Variants in DTHD1 observed in about 807,000 individuals in gnomAD.
DTHD1 encodes death domain containing 1.
In DTHD1, 59 loss-of-function variants were observed where a neutral mutation model predicts 74.8. The observed-to-expected ratio is 0.79, with a 90% CI of 0.64 to 0.98. DTHD1 has a LOEUF of 0.98. Ranked by LOEUF, DTHD1 falls within the 50% of genes least tolerant of loss-of-function variation. The pLI is 0.00. For missense variants in DTHD1, 1,051 were observed against 1,065.4 expected (o/e 0.99, Z 0.19); for synonymous variants, 365 against 371.1 (o/e 0.98, Z 0.19).
intron 7 of DTHD1, among the ~76,000 whole-genome samples, chr4:36,308,868 C>CTATATT (rs893017062): frequency 2.6e-5 from 4 of 152,120 alleles, no homozygotes; most frequent in Non-Finnish European, 4.4e-5. Context: ...CATTTAAAAA[C>CTATATT]ATAAATCATA....
In DTHD1 at chr4:36,316,298, C is replaced by T; in HGVS notation, c.2152C>T (p.Pro718Ser). 2.6e-6 allele frequency: 4 copies of T among 1,551,776 alleles called. No homozygotes were observed. Among genetic ancestry groups the T allele is most frequent in the Non-Finnish European group, 3.5e-6 (4 of 1,146,964 alleles). Reference sequence around the variant, plus strand: ...ACTTATTTTTCACTTGCAAAGAAAACCTAGGCTGGAACTCCAAATCAAAGA... The same window carrying T: ...ACTTATTTTTCACTTGCAAAGAAAATCTAGGCTGGAACTCCAAATCAAAGA... ...YTLIFHLQRKPRLELQIKEVD... is the reference protein window; with the variant it reads ...YTLIFHLQRKSRLELQIKEVD... The change falls in exon 8 of 10, where the codon CCT becomes TCT. Residue 718 changes from proline to serine, a missense_variant. Transcript: ENST00000639862.
chr4:36,293,803 C>CA (rs1756231366), intron 4 of DTHD1, 98 bp downstream of exon 4: 3 of 1,047,552 alleles, frequency 2.9e-6, no homozygotes, highest in East Asian at 2.8e-5. Flanking sequence ...TTTAATATAA[C>CA]AAAAAATGGA....
In DTHD1 at chr4:36,308,371, G is replaced by A; in HGVS notation, c.1973G>A (p.Ser658Asn). 1 of 1,551,816 alleles carries A rather than the reference G, an allele frequency of 6.4e-7. No individual in the cohort carries two copies. The highest frequency in any genetic ancestry group is 1.4e-5 in the African/African-American group (1 of 73,174). ...AVLVVPSKDL[S>N]QVLKDLHLEG... is the part of the protein sequence containing the mutation. ...TTAGTGGTGCCTTCCAAAGATTTAA[G>A]CCAGGTGCTTAAGGACCTGCACTTG... The change falls in exon 7 of 10, where the codon AGC (serine) becomes AAC (asparagine). Residue 658 changes from serine (S) to asparagine (N), a missense_variant. Ser to Asn is a conservative substitution (Grantham distance 46). Coordinates refer to ENST00000639862, the MANE Select transcript of DTHD1 (RefSeq NM_001170700.3).
chr4:36,313,649 T>A (rs1332791144), intron 7 of DTHD1, among the ~76,000 whole-genome samples: 1 of 152,228 alleles, frequency 6.6e-6, no homozygotes, highest in Non-Finnish European at 1.5e-5. Flanking sequence ...ATAAATGTGA[T>A]CTTTAGAGAG....
intron 5 of DTHD1, among the ~76,000 whole-genome samples, chr4:36,295,304 C>G (rs1291184075): frequency 2.0e-5 from 3 of 151,986 alleles, no homozygotes. Context: ...ATTTTGAAAC[C>G]TTCAATCTAT....
Position 36,343,994 on chromosome 4 carries a change from A to G in DTHD1, c.*170A>G. 1 of 688,808 alleles carries G rather than the reference A, an allele frequency of 1.5e-6. No homozygotes were observed. Among genetic ancestry groups the G allele is most frequent in the Non-Finnish European group, 2.4e-6 (1 of 424,720 alleles). 42.7% of individuals were successfully genotyped at this position (688,808 alleles called of 1,614,324 possible). A position where few individuals can be genotyped will look rare whatever the true frequency, so the allele number is the denominator to read the frequency against. ...GAGAAGCACGGATCAGATAATAGAA[A>G]GCATTCCTGGGTGTGAGCGCTCCTC... On this transcript the variant is annotated 3_prime_UTR_variant, in exon 10 of 10. Coordinates refer to ENST00000639862, the MANE Select transcript of DTHD1 (RefSeq NM_001170700.3).
chr4:36,318,373 A>T (rs779920647), intron 8 of DTHD1, among the ~76,000 whole-genome samples: 20 of 152,224 alleles, frequency 1.3e-4, no homozygotes, highest in Non-Finnish European at 1.5e-4. Flanking sequence ...TTAACAAATG[A>T]TATGACCTGG....
At chr4:36,325,699 G>A (rs1207111163) in intron 8 of DTHD1, among the ~76,000 whole-genome samples, 1 of 152,162 alleles carries the variant, frequency 6.6e-6, no homozygotes, top group African/African-American at 2.4e-5. Context: ...AAGTCGTGAA[G>A]GGGATTTCCA....
rs1758075664 is a variant in DTHD1, at chr4:36,322,282, A to G, written c.2340+5796A>G. Among the ~76,000 whole-genome samples, 3 of 152,208 alleles carry G rather than the reference A, an allele frequency of 2.0e-5. No homozygotes were observed. The South Asian group carries it at 6.2e-4, about 31-fold the overall frequency. On this transcript the variant is annotated intron_variant, in intron 8 of 9. Transcript: ENST00000639862. ...ACAAGTACCTAGAATGGTGTCAGGCATAAGTTAGATGCTCAATAAACATGA... is the reference window on the plus strand; with the variant it reads ...ACAAGTACCTAGAATGGTGTCAGGCGTAAGTTAGATGCTCAATAAACATGA...
At chr4:36,315,671 T>TG (rs1757671082) in intron 7 of DTHD1, 5 of 152,174 alleles carry the variant, frequency 3.3e-5, no homozygotes, top group Admixed American at 6.5e-5. Context: ...CTGCAAAAGC[T>TG]GAATATTTCA....
At chr4:36,323,926 C>T (rs980331188) in intron 8 of DTHD1, among the ~76,000 whole-genome samples, 3 of 152,128 alleles carry the variant, frequency 2.0e-5, no homozygotes, top group East Asian at 1.9e-4. Flanking sequence ...GCACTCCATG[C>T]ATCTCCCTTA....
intron 7 of DTHD1, chr4:36,315,640 G>T (rs908901925): frequency 2.0e-5 from 3 of 152,216 alleles, no homozygotes; most frequent in African/African-American, 7.2e-5. Context: ...TTCTCAACGG[G>T]TGAAAATAAT....
intron 8 of DTHD1, among the ~76,000 whole-genome samples, chr4:36,327,278 T>A (rs1012726133): frequency 3.3e-5 from 5 of 152,204 alleles, no homozygotes; most frequent in South Asian, 2.1e-4. Context: ...AGGATTTTTT[T>A]AAATCTGCTA....
At chr4:36,335,044 TAAC>T (rs1162512779) in intron 8 of DTHD1, among the ~76,000 whole-genome samples, 9 of 152,328 alleles carry the variant, frequency 5.9e-5, no homozygotes, top group African/African-American at 1.9e-4. Context: ...TGAATGGCAT[TAAC>T]AACAATATAA....
intron 9 of DTHD1, among the ~76,000 whole-genome samples, chr4:36,340,919 C>A (rs901189839): frequency 4.6e-5 from 7 of 151,700 alleles, no homozygotes; most frequent in Admixed American, 2.6e-4. Flanking sequence ...AGACAGCTGG[C>A]AAAGGGCAAG....
intron 7 of DTHD1, among the ~76,000 whole-genome samples, chr4:36,313,822 A>G (rs1169335353): frequency 3.3e-5 from 5 of 152,226 alleles, no homozygotes; most frequent in Non-Finnish European, 7.3e-5. Context: ...AAGGGATAGA[A>G]GGGGAAATTT....
In DTHD1 at chr4:36,344,256, T is replaced by G. The variant is rs922897666; in HGVS notation, c.*432T>G. The stretch of plus-strand genomic sequence containing the variant: ...TCTCAATCAATTTAGAAAGATTATT[T>G]TGCCAAGGTTAAGGACAGGCCCGTA... On this transcript the variant is annotated 3_prime_UTR_variant, in exon 10 of 10. Transcript: ENST00000639862. 4.0e-5 allele frequency: 7 copies of G among 173,186 alleles called. No individual in the cohort carries two copies. The highest frequency in any genetic ancestry group is 1.7e-4 in the African/African-American group (7 of 41,706). 10.7% of individuals were successfully genotyped at this position (173,186 alleles called of 1,614,324 possible).
intron 4 of DTHD1, 33 bp from the exon 5 acceptor site, chr4:36,294,762 T>A (rs1307860939): frequency 2.0e-6 from 3 of 1,486,758 alleles, no homozygotes; most frequent in Non-Finnish European, 2.7e-6. Flanking sequence ...TCTTTTCTAT[T>A]AAAACATAAG....
intron 8 of DTHD1, among the ~76,000 whole-genome samples, chr4:36,324,139 C>CG (rs545314509): frequency 2.0e-5 from 3 of 151,544 alleles, no homozygotes; most frequent in African/African-American, 7.3e-5. Context: ...CCTTCTCCTC[C>CG]CCCCCATTCC....
Sources: gnomAD v4.1 joint callset for allele counts (sites outside exome capture counted in the v4.1 genomes callset) on GRCh38, gnomAD v4.1.1 for gene constraint, MANE v1.5 for transcripts, NCBI Gene and HGNC (gene_info 2026-07-23, HGNC 2026-07-21) for gene names.